KALRN: variants seen among roughly 807,000 people sequenced by gnomAD.
KALRN encodes kalirin RhoGEF kinase, also known as kalirin.
A neutral mutation model predicts 353.7 loss-of-function variants in KALRN; 70 were observed. The ratio of observed to expected loss-of-function variants is 0.20; its 90% confidence interval spans 0.16 to 0.24. KALRN has a LOEUF of 0.24. Among genes scored for constraint, KALRN ranks in the 10% least tolerant of loss-of-function variants. KALRN has a pLI of 1.00. For synonymous variants in KALRN, 1,391 were observed against 1,434.8 expected, an observed-to-expected ratio of 0.97 and a Z score of 0.69; for missense variants, 2,791 against 3,756.7, an observed-to-expected ratio of 0.74 and a Z score of 6.72.
intron 1 of KALRN, among the ~76,000 whole-genome samples, chr3:124,109,167 A>G (rs1032434018): frequency 6.6e-6 from 1 of 151,972 alleles, no homozygotes; most frequent in Non-Finnish European, 1.5e-5. Flanking sequence ...GTAGTTCGTC[A>G]TTTTTGGAAG....
chr3:124,364,436 A>T (rs1428685474), intron 10 of KALRN, among the ~76,000 whole-genome samples: 1 of 152,088 alleles, frequency 6.6e-6, no homozygotes, highest in Non-Finnish European at 1.5e-5. Flanking sequence ...GGAGACTTTG[A>T]TCTCCTGCAG....
intron 37 of KALRN, among the ~76,000 whole-genome samples, chr3:124,649,782 T>C (rs2083178775): frequency 7.4e-6 from 1 of 134,316 alleles, no homozygotes; most frequent in African/African-American, 2.9e-5. Flanking sequence ...AGTGAGACCC[T>C]GTCTCAAAAT....
At chr3:124,104,972 G>A (rs1466694593) in intron 1 of KALRN, among the ~76,000 whole-genome samples, 2 of 152,164 alleles carry the variant, frequency 1.3e-5, no homozygotes, top group East Asian at 1.9e-4. Flanking sequence ...GTATCAGGAA[G>A]GTAAGGCACA....
In KALRN at chr3:124,166,569, A is replaced by AT. The variant is rs1326644681; in HGVS notation, c.74-61421_74-61420insT. On this transcript the variant is annotated intron_variant, in intron 1 of 59. Transcript: ENST00000682506. ...ATATTATGTCTCTCCCTAACTTAAAAATCTTTATTTCCAGGACCCACACCT... is the reference window on the plus strand; with the variant it reads ...ATATTATGTCTCTCCCTAACTTAAAATATCTTTATTTCCAGGACCCACACCT... Among the ~76,000 whole-genome samples the AT allele has an allele frequency of 3.9e-5, 6 of 152,288 alleles. No individual in the cohort carries two copies. In the East Asian group the frequency reaches 1.2e-3, roughly 29 times the overall value.
At chr3:124,661,273 T>A (rs757490641) in intron 44 of KALRN, among the ~76,000 whole-genome samples, 19 of 152,236 alleles carry the variant, frequency 1.2e-4, no homozygotes, top group Non-Finnish European at 2.4e-4. Context: ...AGAGATTAGA[T>A]GTAAGTTGCA....
rs1406028069 is a variant in KALRN, at chr3:124,488,197, T to TC, written c.4285-3dup. ...CCCTAATTATGTCCGGACTTTTTTTTCCCCAGGAACTTTTAACTTGCTGTG... is the reference window on the plus strand; with the variant it reads ...CCCTAATTATGTCCGGACTTTTTTTTCCCCCAGGAACTTTTAACTTGCTGTG... On this transcript the variant is annotated splice_region_variant and splice_polypyrimidine_tract_variant and intron_variant, in intron 28 of 59. Transcript: ENST00000682506. The TC allele has an allele frequency of 7.5e-6, 12 of 1,602,880 alleles. No homozygotes were observed. The South Asian group carries it at 1.1e-4, about 15-fold the overall frequency.
intron 34 of KALRN, among the ~76,000 whole-genome samples, chr3:124,594,445 C>T (rs544737529): frequency 2.6e-5 from 4 of 152,242 alleles, no homozygotes; most frequent in African/African-American, 7.2e-5. Flanking sequence ...AGGATGGTCT[C>T]GATCTCTTGA....
intron 6 of KALRN, among the ~76,000 whole-genome samples, chr3:124,303,432 A>G (rs1281173891): frequency 6.6e-6 from 1 of 152,094 alleles, no homozygotes; most frequent in African/African-American, 2.4e-5. Context: ...CTGTTGTGGA[A>G]GCCTTTTGCA....
intron 48 of KALRN, 79 bp from the exon 49 acceptor site, chr3:124,674,285 C>A: frequency 6.8e-7 from 1 of 1,467,720 alleles, no homozygotes; most frequent in Middle Eastern, 2.3e-4. Flanking sequence ...GGCCTTGAAC[C>A]ACTGGGTAGG....
intron 37 of KALRN, among the ~76,000 whole-genome samples, chr3:124,642,921 A>G (rs1376738094): frequency 2.0e-5 from 3 of 149,814 alleles, no homozygotes; most frequent in African/African-American, 7.4e-5. Context: ...GGTTCAAGCT[A>G]TTCTTCTGCC....
intron 11 of KALRN, among the ~76,000 whole-genome samples, chr3:124,394,475 C>T (rs2089908968): frequency 6.6e-6 from 1 of 152,178 alleles, no homozygotes; most frequent in Non-Finnish European, 1.5e-5. Context: ...TTGTTCAAAA[C>T]ACTATACTTT....
intron 33 of KALRN, among the ~76,000 whole-genome samples, chr3:124,549,895 G>T (rs1279932641): frequency 6.6e-6 from 1 of 152,088 alleles, no homozygotes; most frequent in East Asian, 1.9e-4. Context: ...ACCCTCAAGA[G>T]ATCAAGCAGA....
intron 9 of KALRN, among the ~76,000 whole-genome samples, chr3:124,338,156 G>C (rs979164789): frequency 2.0e-5 from 3 of 151,988 alleles, no homozygotes; most frequent in Admixed American, 1.3e-4. Context: ...TCTGATCTTA[G>C]TTATTTCTTG....
intron 24 of KALRN, among the ~76,000 whole-genome samples, chr3:124,462,317 G>A (rs2059931141): frequency 6.6e-6 from 1 of 152,154 alleles, no homozygotes; most frequent in Non-Finnish European, 1.5e-5. Context: ...AAGAGACTGT[G>A]GAGTTTGTGT....
In KALRN at chr3:124,159,834, A is replaced by G. The variant is rs150905718; in HGVS notation, c.74-68156A>G. On this transcript the variant is annotated intron_variant, in intron 1 of 59. Transcript: ENST00000682506. ...TCATTTCCTTCTTAATCCGGTGTTC[A>G]TATACCCGTTGTAAAGTGAGGACTA... is the stretch of plus-strand genomic sequence containing the variant. Among the ~76,000 whole-genome samples the G allele has an allele frequency of 7.5e-3, 1,147 of 152,140 alleles. 14 individuals are homozygous for G. Among genetic ancestry groups the G allele is most frequent in the African/African-American group, 0.024 (1,002 of 41,480 alleles).
intron 39 of KALRN, 60 bp downstream of exon 39, chr3:124,655,727 C>A: frequency 8.1e-7 from 1 of 1,228,340 alleles, no homozygotes; most frequent in Non-Finnish European, 1.2e-6. Context: ...TTGGACCCTA[C>A]CTAGGCCAAG....
chr3:124,491,416 G>T lies in KALRN; in HGVS notation c.4681G>T (p.Val1561Leu), dbSNP rs753674413. ...GRTPSSDNKT[V>L]LKASNIETKQ... The stretch of plus-strand genomic sequence containing the variant: ...CACCCCATCCTCAGACAATAAAACA[G>T]TGCTGAAAGTAAGTACTGCTCTCTG... The change falls in exon 31 of 60, where the codon GTG (valine) becomes TTG (leucine). Residue 1561 changes from valine to leucine, a missense_variant. Physicochemically the swap from Val to Leu is conservative, Grantham distance 32. Coordinates refer to ENST00000682506, the MANE Select transcript of KALRN (RefSeq NM_001388419.1). The T allele has an allele frequency of 1.7e-5, 27 of 1,600,124 alleles. No homozygotes were observed. The highest frequency in any genetic ancestry group is 8.5e-7 in the Non-Finnish European group (1 of 1,173,008).
At chr3:124,612,257 G>A (rs1018241822) in intron 34 of KALRN, among the ~76,000 whole-genome samples, 8 of 151,980 alleles carry the variant, frequency 5.3e-5, no homozygotes, top group Non-Finnish European at 8.8e-5. Context: ...AGGCTGGAGT[G>A]CAATGGCATG....
At chr3:124,329,371 G>A (rs1228314135) in intron 7 of KALRN, among the ~76,000 whole-genome samples, 2 of 152,184 alleles carry the variant, frequency 1.3e-5, no homozygotes, top group African/African-American at 4.8e-5. Context: ...GTCTCTGCAA[G>A]TTTCCTGGGG....
Sources: allele counts gnomAD v4.1 joint callset (sites outside exome capture counted in the v4.1 genomes callset), GRCh38; gene constraint gnomAD v4.1.1; transcripts MANE v1.5; gene names NCBI Gene and HGNC (gene_info 2026-07-23, HGNC 2026-07-21).